MRPL1: variants seen among roughly 807,000 people sequenced by gnomAD.
The protein encoded by MRPL1 is large ribosomal subunit protein uL1m.
MRPL1 carries 28 observed loss-of-function variants against 38.0 expected under a neutral mutation model. The ratio of observed to expected loss-of-function variants is 0.74; its 90% confidence interval spans 0.55 to 1.01. The LOEUF (loss-of-function observed/expected upper bound fraction) is 1.01, where lower values mean the gene tolerates loss of function less well. Ranked by LOEUF, MRPL1 falls within the 50% of genes least tolerant of loss-of-function variation. The probability of loss-of-function intolerance (pLI) is 0.00; values close to 1 mark genes in which losing one functional copy is unlikely to be tolerated. For synonymous variants in MRPL1, 123 were observed against 126.7 expected (o/e 0.97, Z 0.20); for missense variants, 358 against 389.8 (o/e 0.92, Z 0.69).
intron 6 of MRPL1, among the ~76,000 whole-genome samples, chr4:77,907,967 G>T (rs1190964752): frequency 6.9e-6 from 1 of 145,210 alleles, no homozygotes; most frequent in African/African-American, 2.6e-5. Flanking sequence ...GCTCATTCTC[G>T]GCTCACTACA....
rs530269566 is a variant in MRPL1, at chr4:77,936,580, A to G, written c.778-13217A>G. Among the ~76,000 whole-genome samples, 7 of 152,316 alleles carry G rather than the reference A, an allele frequency of 4.6e-5. No individual in the cohort carries two copies. The East Asian group carries it at 1.2e-3, about 25-fold the overall frequency. ...GTAGAGAAAGTTTTGTTAGAATACAACTGTGCTCATTTATGTATTGTCTAT... is the reference window on the plus strand; with the variant it reads ...GTAGAGAAAGTTTTGTTAGAATACAGCTGTGCTCATTTATGTATTGTCTAT... On this transcript the variant is annotated intron_variant, in intron 7 of 8. Transcript: ENST00000315567.
chr4:77,866,466 A>G (rs1041630493), intron 1 of MRPL1, among the ~76,000 whole-genome samples: 6 of 152,214 alleles, frequency 3.9e-5, no homozygotes, highest in African/African-American at 1.4e-4. Context: ...TAAATTGTAC[A>G]TGTGGCTTAC....
intron 1 of MRPL1, among the ~76,000 whole-genome samples, chr4:77,867,651 G>GCTGGCATT (rs1401978978): frequency 6.6e-6 from 1 of 151,396 alleles, no homozygotes; most frequent in Non-Finnish European, 1.5e-5. Flanking sequence ...CTTCTGAAGT[G>GCTGGCATT]CTGGCATTAT....
In MRPL1 at chr4:77,941,297, T is replaced by C. The variant is rs566546357; in HGVS notation, c.778-8500T>C. Among the ~76,000 whole-genome samples, 36 of 152,202 alleles carry C rather than the reference T, an allele frequency of 2.4e-4. 1 individual carries two copies. The South Asian group carries it at 7.0e-3, about 30-fold the overall frequency. On this transcript the variant is annotated intron_variant, in intron 7 of 8. Transcript: ENST00000315567. ...AAAAAAAAAAGAGGATTTTTGCATC[T>C]ATATTCGTCAGAGATATTGATCTGT...
At chr4:77,871,460 A>G (rs781703634) in intron 1 of MRPL1, among the ~76,000 whole-genome samples, 8 of 152,056 alleles carry the variant, frequency 5.3e-5, no homozygotes, top group African/African-American at 9.7e-5. Flanking sequence ...TCGTGCCACC[A>G]TGCCTGGCTA....
At chr4:77,870,349 G>T (rs1050013265) in intron 1 of MRPL1, among the ~76,000 whole-genome samples, 1 of 152,162 alleles carries the variant, frequency 6.6e-6, no homozygotes, top group Admixed American at 6.6e-5. Context: ...GCTTCGAATG[G>T]ATAATTGCTT....
At chr4:77,904,983 A>G (rs1370766879) in intron 6 of MRPL1, among the ~76,000 whole-genome samples, 2 of 152,226 alleles carry the variant, frequency 1.3e-5, no homozygotes, top group Non-Finnish European at 2.9e-5. Context: ...AGAAGAAAAA[A>G]TTGCTAATTT....
At chr4:77,918,854 A>T (rs1010349675) in intron 7 of MRPL1, among the ~76,000 whole-genome samples, 11 of 152,198 alleles carry the variant, frequency 7.2e-5, no homozygotes, top group African/African-American at 2.7e-4. Flanking sequence ...ATATATATGT[A>T]TGAATAAACA....
intron 7 of MRPL1, among the ~76,000 whole-genome samples, chr4:77,926,996 C>G (rs1397860541): frequency 6.6e-6 from 1 of 151,852 alleles, no homozygotes; most frequent in African/African-American, 2.4e-5. Context: ...CTTTTAATAG[C>G]TCTTTGAAGT....
intron 2 of MRPL1, among the ~76,000 whole-genome samples, chr4:77,874,949 T>A (rs1174545236): frequency 6.8e-6 from 1 of 146,436 alleles, no homozygotes; most frequent in Non-Finnish European, 1.5e-5. Flanking sequence ...GCCCGGCTAA[T>A]TTTTTTTTTT....
At chr4:77,909,669 T>C (rs1160876143) in intron 7 of MRPL1, among the ~76,000 whole-genome samples, 1 of 152,204 alleles carries the variant, frequency 6.6e-6, no homozygotes, top group Non-Finnish European at 1.5e-5. Flanking sequence ...ATTTTAAGCT[T>C]ATTGAGAATA....
intron 7 of MRPL1, among the ~76,000 whole-genome samples, chr4:77,923,752 A>G (rs892283387): frequency 1.3e-5 from 2 of 152,050 alleles, no homozygotes; most frequent in African/African-American, 4.8e-5. Flanking sequence ...CCTGGCCAAC[A>G]TGGTGAAATC....
At chr4:77,869,637 C>T (rs1301405080) in intron 1 of MRPL1, among the ~76,000 whole-genome samples, 1 of 151,974 alleles carries the variant, frequency 6.6e-6, no homozygotes, top group African/African-American at 2.4e-5. Flanking sequence ...CTCTTGTTGC[C>T]CAGGCTGGAG....
chr4:77,903,711 A>C (rs1736086782), intron 6 of MRPL1, among the ~76,000 whole-genome samples: 2 of 152,230 alleles, frequency 1.3e-5, no homozygotes, highest in Admixed American at 1.3e-4. Flanking sequence ...AAAAATATTT[A>C]AGAGGAAATT....
intron 6 of MRPL1, among the ~76,000 whole-genome samples, chr4:77,903,174 G>C (rs192098047): frequency 1.3e-3 from 204 of 152,276 alleles, no homozygotes; most frequent in African/African-American, 4.6e-3. Context: ...CTTAACCAGT[G>C]ACATTTATTC....
At chr4:77,888,001 T>C (rs1735722297) in intron 5 of MRPL1, among the ~76,000 whole-genome samples, 4 of 152,326 alleles carry the variant, frequency 2.6e-5, no homozygotes, top group Admixed American at 2.6e-4. Flanking sequence ...TTGATACCCA[T>C]GGACACCTCT....
intron 7 of MRPL1, among the ~76,000 whole-genome samples, chr4:77,940,241 T>C (rs1026184177): frequency 6.6e-6 from 1 of 152,206 alleles, no homozygotes; most frequent in African/African-American, 2.4e-5. Flanking sequence ...GTAGTTTTCC[T>C]TGTAGAGGTC....
At chr4:77,883,662 C>T (rs1735602751) in intron 3 of MRPL1, among the ~76,000 whole-genome samples, 162 bp downstream of exon 3, 1 of 152,076 alleles carries the variant, frequency 6.6e-6, no homozygotes, top group South Asian at 2.1e-4. Flanking sequence ...ACTGCAGACT[C>T]CACCTCCCGG....
intron 5 of MRPL1, among the ~76,000 whole-genome samples, chr4:77,887,550 A>G (rs988719314): frequency 6.6e-6 from 1 of 151,898 alleles, no homozygotes; most frequent in African/African-American, 2.4e-5. Context: ...GTTTGAGACA[A>G]GGTCTCTCTC....
Sources: allele counts gnomAD v4.1 joint callset (sites outside exome capture counted in the v4.1 genomes callset), GRCh38; gene constraint gnomAD v4.1.1; transcripts MANE v1.5; gene names NCBI Gene and HGNC (gene_info 2026-07-23, HGNC 2026-07-21).